Variants in VPS26A observed in about 807,000 individuals in gnomAD.
The protein encoded by VPS26A is VPS26 retromer complex component A, also known as vacuolar protein sorting-associated protein 26A.
VPS26A carries 22 observed loss-of-function variants against 42.4 expected under a neutral mutation model. The observed-to-expected ratio is 0.52, with a 90% CI of 0.37 to 0.74. VPS26A has a LOEUF of 0.74. VPS26A is among the 30% of genes least tolerant of loss of function. VPS26A has a pLI of 0.00. For missense variants in VPS26A, 276 were observed against 379.2 expected (o/e 0.73, Z 2.26); for synonymous variants, 110 against 123.5 (o/e 0.89, Z 0.73).
At chr10:69,132,340 G>C (rs1306498347) in intron 1 of VPS26A, among the ~76,000 whole-genome samples, 1 of 96,804 alleles carries the variant, frequency 1.0e-5, no homozygotes, top group Non-Finnish European at 2.7e-5. Context: ...ATTTGTTTAG[G>C]GTTTTTTTTT....
chr10:69,158,260 CT>C (rs1212238276), intron 5 of VPS26A, 49 bp downstream of exon 5: 1 of 1,449,200 alleles, frequency 6.9e-7, no homozygotes, highest in Non-Finnish European at 9.2e-7. Context: ...CAAAAATTAA[CT>C]TTTCAGGTGT....
intron 2 of VPS26A, among the ~76,000 whole-genome samples, chr10:69,133,827 C>G (rs1274791160): frequency 2.0e-5 from 3 of 152,086 alleles, no homozygotes; most frequent in Non-Finnish European, 4.4e-5. Flanking sequence ...GCTGGGACTA[C>G]AGGCACACAC....
chr10:69,155,664 C>T (rs1036006290), intron 2 of VPS26A, 148 bp from the exon 3 acceptor site: 2 of 664,790 alleles, frequency 3.0e-6, no homozygotes, highest in Admixed American at 5.8e-5. Flanking sequence ...GGTGCTATAA[C>T]ATCATCCTGA....
Position 69,158,533 on chromosome 10 carries a change from A to G in VPS26A, c.551+322A>G, listed in dbSNP as rs1271304488. 1.3e-5 allele frequency among the ~76,000 whole-genome samples: 2 copies of G among 151,574 alleles called. 1 individual carries two copies. The highest frequency in any genetic ancestry group is 2.9e-5 in the Non-Finnish European group (2 of 67,890). ...CCTCATCCTAGCCATCTCTTTTCAC[A>G]TATTTTCACCTTTACCACTTAATCA... On this transcript the variant is annotated intron_variant, in intron 5 of 8. Coordinates refer to ENST00000263559, the MANE Select transcript of VPS26A (RefSeq NM_004896.5).
chr10:69,167,126 C>A (rs370652490), intron 7 of VPS26A, among the ~76,000 whole-genome samples: 978 of 125,992 alleles, frequency 7.8e-3, no homozygotes, highest in Non-Finnish European at 9.6e-3. Flanking sequence ...AACTCCGTCT[C>A]AAAAAAAAAA....
At chr10:69,126,661 T>C (rs554691404) in intron 1 of VPS26A, among the ~76,000 whole-genome samples, 2 of 152,310 alleles carry the variant, frequency 1.3e-5, no homozygotes, top group South Asian at 2.1e-4. Context: ...TTCTAGTCTT[T>C]ACCAGCTTGA....
rs773265739 is a variant in VPS26A at position 69,124,265 on chromosome 10, G to T, written c.-13G>T. On this transcript the variant is annotated 5_prime_UTR_variant, in exon 1 of 9. Transcript: ENST00000263559. ...AGGAGTGGAGTAGGGGGGACGCGGC[G>T]GCGGCGTTGACAATGGTGAGTGCGC... is the stretch of plus-strand genomic sequence containing the variant. The T allele has an allele frequency of 3.9e-6, 5 of 1,280,754 alleles. No homozygotes were observed. The East Asian group carries it at 1.5e-4, about 38-fold the overall frequency. The allele number at this position is 1,280,754 out of a possible 1,614,324, so 79.3% of individuals were successfully genotyped here.
chr10:69,136,400 G>A (rs1264319625), intron 2 of VPS26A, among the ~76,000 whole-genome samples: 1 of 151,748 alleles, frequency 6.6e-6, no homozygotes, highest in African/African-American at 2.4e-5. Flanking sequence ...GAGTAGCTGG[G>A]ATTACAGGCA....
chr10:69,163,761 G>GTTTT (rs869118567), intron 6 of VPS26A, among the ~76,000 whole-genome samples: 1 of 145,840 alleles, frequency 6.9e-6, no homozygotes, highest in African/African-American at 2.6e-5. Context: ...TTAATTTTCA[G>GTTTT]TTTTCTTTTT....
intron 5 of VPS26A, among the ~76,000 whole-genome samples, chr10:69,160,349 G>A (rs1564685180): frequency 6.6e-6 from 1 of 151,806 alleles, no homozygotes; most frequent in Non-Finnish European, 1.5e-5. Flanking sequence ...TAGTGGAGAC[G>A]GGGTTTCACC....
At chr10:69,153,136 G>A (rs1384216602) in intron 2 of VPS26A, among the ~76,000 whole-genome samples, 3 of 144,710 alleles carry the variant, frequency 2.1e-5, no homozygotes, top group Admixed American at 6.9e-5. Flanking sequence ...TGCAACCTCC[G>A]CCCCCCGGGT....
Position 69,171,257 on chromosome 10 carries a change from G to A in VPS26A, c.972G>A (p.Gln324=), listed in dbSNP as rs148524150. The change falls in exon 9 of 9, where the codon CAG becomes CAA. Residue 324 remains glutamine, a synonymous_variant. Coordinates refer to ENST00000263559, the MANE Select transcript of VPS26A (RefSeq NM_004896.5). ...CAGAATCACAGGCATCTGCCGAACA[G>A]CCTGAAATGTGAACTGAACAGGAGA... ...ESPESQASAE[Q]PEM is the part of the protein sequence containing the mutation. The A allele has an allele frequency of 3.4e-4, 544 of 1,613,000 alleles. No individual in the cohort carries two copies. The highest frequency in any genetic ancestry group is 8.3e-4 in the Middle Eastern group (5 of 6,060).
chr10:69,142,679 T>C (rs1318940107), intron 2 of VPS26A, among the ~76,000 whole-genome samples: 8 of 151,306 alleles, frequency 5.3e-5, no homozygotes, highest in Non-Finnish European at 1.2e-4. Flanking sequence ...AATAATATGC[T>C]CATTTGGCAC....
chr10:69,155,972 G>A, intron 3 of VPS26A, 85 bp downstream of exon 3: 1 of 1,011,070 alleles, frequency 9.9e-7, no homozygotes. Context: ...AATTGAATTA[G>A]AGCTTAGCTT....
At chr10:69,169,749 T>C (rs1841775543) in intron 8 of VPS26A, among the ~76,000 whole-genome samples, 1 of 151,842 alleles carries the variant, frequency 6.6e-6, no homozygotes, top group Non-Finnish European at 1.5e-5. Context: ...GCTGGGATTA[T>C]AGGTATGCAC....
At chr10:69,124,576 C>G (rs1027210844) in intron 1 of VPS26A, among the ~76,000 whole-genome samples, 2 of 152,196 alleles carry the variant, frequency 1.3e-5, no homozygotes, top group Non-Finnish European at 2.9e-5. Context: ...TCGGACCCCG[C>G]CTCTGCGGGG....
At chr10:69,142,419 C>T (rs1411977367) in intron 2 of VPS26A, among the ~76,000 whole-genome samples, 1 of 151,432 alleles carries the variant, frequency 6.6e-6, no homozygotes, top group Non-Finnish European at 1.5e-5. Flanking sequence ...GTCTCAAACT[C>T]CTGGACTCAA....
At chr10:69,156,257 G>A (rs1298372140) in intron 3 of VPS26A, among the ~76,000 whole-genome samples, 2 of 151,418 alleles carry the variant, frequency 1.3e-5, no homozygotes, top group Non-Finnish European at 2.9e-5. Context: ...CTGATCTAGT[G>A]TGTGCCTGTA....
Position 69,171,949 on chromosome 10 carries a change from T to C in VPS26A, c.*680T>C, listed in dbSNP as rs1264658950. 3.9e-5 allele frequency: 6 copies of C among 152,184 alleles called. No individual in the cohort carries two copies. The highest frequency in any genetic ancestry group is 3.9e-4 in the Admixed American group (6 of 15,276). 9.4% of individuals were successfully genotyped at this position (152,184 alleles called of 1,614,324 possible). On this transcript the variant is annotated 3_prime_UTR_variant, in exon 9 of 9. Coordinates refer to ENST00000263559, the MANE Select transcript of VPS26A (RefSeq NM_004896.5). ...ATTATGTGGCAGGTCATTATGGCCT[T>C]CTTTTTTTTGGCCATATTAAGTAAC... is the stretch of plus-strand genomic sequence containing the variant.
Sources: gnomAD v4.1 joint callset for allele counts (sites outside exome capture counted in the v4.1 genomes callset) on GRCh38, gnomAD v4.1.1 for gene constraint, MANE v1.5 for transcripts, NCBI Gene and HGNC (gene_info 2026-07-23, HGNC 2026-07-21) for gene names.